Variants in IL1RAPL1 observed in about 807,000 individuals in gnomAD.
IL1RAPL1 encodes the protein interleukin-1 receptor accessory protein-like 1.
In IL1RAPL1, 3 loss-of-function variants were observed where a neutral mutation model predicts 48.4. That is an observed-to-expected ratio of 0.06 (90% confidence interval 0.03 to 0.16). IL1RAPL1 has a LOEUF of 0.16. IL1RAPL1 is among the 10% of genes least tolerant of loss of function. The pLI is 1.00. For missense variants in IL1RAPL1, 349 were observed against 530.6 expected, an observed-to-expected ratio of 0.66 and a Z score of 3.36; for synonymous variants, 185 against 187.7, an observed-to-expected ratio of 0.99 and a Z score of 0.12.
intron 2 of IL1RAPL1, among the ~76,000 whole-genome samples, chrX:29,107,344 C>T (rs1298572177): frequency 8.9e-6 from 1 of 112,160 alleles, no homozygotes; most frequent in African/African-American, 3.2e-5. Flanking sequence ...TAAAAATAAA[C>T]TTTTCAAATT....
Position 29,386,110 on chromosome X carries a change from A to G in IL1RAPL1, c.363-10148A>G, listed in dbSNP as rs745755322. Among the ~76,000 whole-genome samples, 51 of 111,443 alleles carry G rather than the reference A, an allele frequency of 4.6e-4. 1 individual carries two copies. The highest frequency in any genetic ancestry group is 1.7e-3 in the African/African-American group (51 of 30,662). On this transcript the variant is annotated intron_variant, in intron 3 of 10. Transcript: ENST00000378993. The stretch of plus-strand genomic sequence containing the variant: ...AGTAGCACGATCTCAGCTCACTGCA[A>G]CCTCCGCCTCCTGGGTTCAAGCAAT...
chrX:28,964,519 T>A (rs187288774), intron 2 of IL1RAPL1, among the ~76,000 whole-genome samples: 3 of 111,845 alleles, frequency 2.7e-5, no homozygotes, highest in Non-Finnish European at 5.7e-5. Context: ...TACACCTATT[T>A]TTGCATATTG....
chrX:29,319,572 A>ATCTATCTG (rs1932789774), intron 3 of IL1RAPL1, among the ~76,000 whole-genome samples: 1 of 106,593 alleles, frequency 9.4e-6, no homozygotes, highest in African/African-American at 3.4e-5. Flanking sequence ...CTATCTATCT[A>ATCTATCTG]TCTATCCATC....
intron 1 of IL1RAPL1, among the ~76,000 whole-genome samples, chrX:28,647,011 C>T (rs1366529249): frequency 9.0e-6 from 1 of 111,497 alleles, no homozygotes; most frequent in African/African-American, 3.3e-5. Context: ...ATTCCAAATG[C>T]TTATTTGATA....
intron 2 of IL1RAPL1, among the ~76,000 whole-genome samples, chrX:28,832,682 A>G (rs112201670): frequency 0.018 from 2,008 of 109,835 alleles, 43 homozygotes; most frequent in African/African-American, 0.062. Flanking sequence ...CTATTTTTCT[A>G]TATTCTATTT....
intron 1 of IL1RAPL1, among the ~76,000 whole-genome samples, chrX:28,717,258 C>T (rs1288042941): frequency 8.9e-6 from 1 of 111,856 alleles, no homozygotes; most frequent in Non-Finnish European, 1.9e-5. Context: ...AAATGCCCAT[C>T]AATGATAGAC....
chrX:29,253,505 C>T (rs180699394), intron 2 of IL1RAPL1, among the ~76,000 whole-genome samples: 81 of 111,108 alleles, frequency 7.3e-4, no homozygotes, highest in Admixed American at 1.2e-3. Context: ...TCGTAACTAA[C>T]ATATATATGT....
intron 6 of IL1RAPL1, among the ~76,000 whole-genome samples, chrX:29,849,226 C>G (rs1931312572): frequency 8.9e-6 from 1 of 111,944 alleles, no homozygotes; most frequent in African/African-American, 3.3e-5. Context: ...CCCTTATGTT[C>G]TGACTTACAT....
chrX:29,547,535 T>G (rs2031056662), intron 5 of IL1RAPL1, among the ~76,000 whole-genome samples: 1 of 111,954 alleles, frequency 8.9e-6, no homozygotes, highest in African/African-American at 3.2e-5. Context: ...GTTCTACACT[T>G]AAGCTCTTGG....
intron 5 of IL1RAPL1, among the ~76,000 whole-genome samples, chrX:29,446,298 C>T (rs1934611271): frequency 9.0e-6 from 1 of 111,721 alleles, no homozygotes; most frequent in Non-Finnish European, 1.9e-5. Flanking sequence ...CATTTTATTA[C>T]ATCTGCGACA....
intron 5 of IL1RAPL1, among the ~76,000 whole-genome samples, chrX:29,602,093 C>T (rs1296174821): frequency 1.8e-5 from 2 of 111,196 alleles, no homozygotes; most frequent in African/African-American, 3.3e-5. Flanking sequence ...AAGCGATTCT[C>T]CTGCCTCAGC....
At chrX:29,366,303 G>C (rs5927858) in intron 3 of IL1RAPL1, among the ~76,000 whole-genome samples, 47,599 of 108,614 alleles carry the variant, frequency 0.44, 8,918 homozygotes, top group Middle Eastern at 0.64. Flanking sequence ...TGGGATAACT[G>C]TATGCTGATA....
intron 2 of IL1RAPL1, among the ~76,000 whole-genome samples, chrX:28,876,368 A>G (rs991157625): frequency 8.9e-6 from 1 of 112,151 alleles, no homozygotes; most frequent in Non-Finnish European, 1.9e-5. Flanking sequence ...AATTATTCTC[A>G]TGACCCTGCC....
chrX:29,628,908 A>T (rs1924689671), intron 5 of IL1RAPL1, among the ~76,000 whole-genome samples: 1 of 112,258 alleles, frequency 8.9e-6, no homozygotes, highest in African/African-American at 3.2e-5. Context: ...GGATACTCGA[A>T]TTGGATTACT....
chrX:29,627,587 A>G (rs918678269), intron 5 of IL1RAPL1, among the ~76,000 whole-genome samples: 1 of 111,647 alleles, frequency 9.0e-6, no homozygotes, highest in African/African-American at 3.3e-5. Flanking sequence ...ACGTATATTC[A>G]TGGTTTCCTG....
intron 10 of IL1RAPL1, 40 bp from the exon 11 acceptor site, chrX:29,955,062 T>C (rs1555941730): frequency 9.0e-7 from 1 of 1,106,389 alleles, no homozygotes; most frequent in Non-Finnish European, 1.3e-6. Flanking sequence ...GACCAAATTT[T>C]CCATTCACTC....
intron 5 of IL1RAPL1, among the ~76,000 whole-genome samples, chrX:29,519,875 A>G (rs933545361): frequency 8.9e-6 from 1 of 111,804 alleles, no homozygotes; most frequent in Non-Finnish European, 1.9e-5. Context: ...GGTTGCTCAC[A>G]GCAGTAACCT....
chrX:29,282,640 A>C (rs1403245704), intron 2 of IL1RAPL1, among the ~76,000 whole-genome samples: 1 of 112,385 alleles, frequency 8.9e-6, no homozygotes, highest in East Asian at 2.8e-4. Context: ...CCGAGCAGGC[A>C]GAAAGGTACA....
chrX:29,429,763 A>G (rs888080746), intron 5 of IL1RAPL1, among the ~76,000 whole-genome samples: 7 of 111,048 alleles, frequency 6.3e-5, no homozygotes, highest in African/African-American at 2.3e-4. Context: ...ACTCCTCTTC[A>G]GTGTTGCATT....
Sources: allele counts gnomAD v4.1 joint callset (sites outside exome capture counted in the v4.1 genomes callset), GRCh38; gene constraint gnomAD v4.1.1; transcripts MANE v1.5; gene names NCBI Gene and HGNC (gene_info 2026-07-23, HGNC 2026-07-21).